SAMHD1: variants seen among roughly 807,000 people sequenced by gnomAD.
The protein encoded by SAMHD1 is deoxynucleoside triphosphate triphosphohydrolase SAMHD1.
SAMHD1 carries 54 observed loss-of-function variants against 79.6 expected under a neutral mutation model. The ratio of observed to expected loss-of-function variants is 0.68; its 90% CI spans 0.55 to 0.85. The LOEUF is 0.85. Ranked by LOEUF, SAMHD1 falls within the 40% of genes least tolerant of loss-of-function variation. SAMHD1 has a pLI of 0.00. For missense variants in SAMHD1, 663 were observed against 782.7 expected (o/e 0.85, Z 1.82); for synonymous variants, 260 against 264.1 (o/e 0.98, Z 0.15).
rs1166226059 is a variant in SAMHD1, at chr20:36,890,424, T to C, written c.*2508A>G. 1 of 151,390 alleles carries C rather than the reference T, an allele frequency of 6.6e-6. No homozygotes were observed. The highest frequency in any genetic ancestry group is 2.4e-5 in the African/African-American group (1 of 41,222). The allele number at this position is 151,390 out of a possible 1,614,324, so 9.4% of individuals were successfully genotyped here. ...TTTCTTTCTTTCTTTCTTTCTTTTC[T>C]TTCTCTCTTTCCTTCCTTCCTTCCC... is the stretch of plus-strand genomic sequence containing the variant. On this transcript the variant is annotated 3_prime_UTR_variant, in exon 16 of 16. Coordinates refer to ENST00000646673, the MANE Select transcript of SAMHD1 (RefSeq NM_015474.4).
At chr20:36,911,504 C>T in intron 10 of SAMHD1, 171 bp from the exon 11 acceptor site, 1 of 615,296 alleles carries the variant, frequency 1.6e-6, no homozygotes, top group Admixed American at 2.4e-5. Flanking sequence ...CTGTGAGCTG[C>T]CATGCTTACT....
At chr20:36,906,843 G>A (rs2063407882) in intron 11 of SAMHD1, among the ~76,000 whole-genome samples, 1 of 151,290 alleles carries the variant, frequency 6.6e-6, no homozygotes, top group Non-Finnish European at 1.5e-5. Context: ...CCAAGTTGGA[G>A]TGCGGTGGCG....
intron 6 of SAMHD1, among the ~76,000 whole-genome samples, chr20:36,921,955 C>T (rs2063508646): frequency 6.6e-6 from 1 of 152,258 alleles, no homozygotes; most frequent in South Asian, 2.1e-4. Context: ...TCCCAAAGTG[C>T]TGGGATTACA....
intron 6 of SAMHD1, among the ~76,000 whole-genome samples, chr20:36,922,231 T>C (rs930926416): frequency 1.3e-5 from 2 of 152,210 alleles, no homozygotes; most frequent in Non-Finnish European, 2.9e-5. Context: ...TTCCCCTTTT[T>C]CTATATGGAC....
At chr20:36,930,670 T>C in intron 5 of SAMHD1, 90 bp downstream of exon 5, 1 of 872,566 alleles carries the variant, frequency 1.1e-6, no homozygotes. Context: ...AATTTCCATA[T>C]TCTCTTGGTT....
chr20:36,944,710 C>T (rs1209866749), intron 2 of SAMHD1, among the ~76,000 whole-genome samples: 1 of 152,098 alleles, frequency 6.6e-6, no homozygotes, highest in Non-Finnish European at 1.5e-5. Flanking sequence ...GCCTGACTAA[C>T]ATGGAGAAAC....
chr20:36,922,944 T>C (rs1601134962), intron 6 of SAMHD1, among the ~76,000 whole-genome samples: 1 of 152,236 alleles, frequency 6.6e-6, no homozygotes, highest in East Asian at 1.9e-4. Context: ...CCACTGTGCC[T>C]GGTCAAAACT....
At chr20:36,904,481 G>A (rs1164867870) in intron 12 of SAMHD1, 1 of 457,430 alleles carries the variant, frequency 2.2e-6, no homozygotes, top group Admixed American at 3.4e-5. Flanking sequence ...CACTTTGGGA[G>A]GCCCAGGTGG....
At chr20:36,941,778 T>C (rs1175374502) in intron 2 of SAMHD1, among the ~76,000 whole-genome samples, 2 of 152,100 alleles carry the variant, frequency 1.3e-5, no homozygotes, top group African/African-American at 2.4e-5. Flanking sequence ...AAGTCATACA[T>C]AGACTGGGAG....
At chr20:36,914,602 T>G (rs1336498648) in intron 9 of SAMHD1, among the ~76,000 whole-genome samples, 1 of 151,828 alleles carries the variant, frequency 6.6e-6, no homozygotes, top group Non-Finnish European at 1.5e-5. Context: ...TCAGGTGATC[T>G]GCCCACCTTG....
chr20:36,931,097 A>C, intron 4 of SAMHD1: 1 of 560,886 alleles, frequency 1.8e-6, no homozygotes. Flanking sequence ...TGCACATCAA[A>C]ACCACAGTGA....
chr20:36,915,041 A>T (rs538602175), intron 9 of SAMHD1, among the ~76,000 whole-genome samples: 55 of 152,098 alleles, frequency 3.6e-4, no homozygotes, highest in African/African-American at 1.3e-3. Flanking sequence ...ATGGTATATG[A>T]TACACGTAAC....
chr20:36,923,288 C>G (rs910497875), intron 6 of SAMHD1, among the ~76,000 whole-genome samples: 5 of 152,082 alleles, frequency 3.3e-5, no homozygotes, highest in Non-Finnish European at 7.4e-5. Flanking sequence ...CGCGAGCCAC[C>G]ACGCCTGGCC....
intron 1 of SAMHD1, 60 bp from the exon 2 acceptor site, chr20:36,946,864 T>C: frequency 7.4e-7 from 1 of 1,344,508 alleles, no homozygotes; most frequent in Non-Finnish European, 1.0e-6. Context: ...TTTCTTTCAA[T>C]TTGGATACAC....
chr20:36,921,585 T>C (rs1249988304), intron 6 of SAMHD1, among the ~76,000 whole-genome samples: 1 of 146,356 alleles, frequency 6.8e-6, no homozygotes, highest in Non-Finnish European at 1.6e-5. Flanking sequence ...GCATCACTGA[T>C]TTTTTTGGAG....
intron 3 of SAMHD1, among the ~76,000 whole-genome samples, chr20:36,939,994 C>T (rs998813342): frequency 2.0e-5 from 3 of 152,096 alleles, no homozygotes; most frequent in African/African-American, 7.2e-5. Flanking sequence ...CACTTGAGGT[C>T]AGGAGTTTGA....
In SAMHD1 at chr20:36,946,875, C is replaced by T. The variant is rs2063689963; in HGVS notation, c.209-71G>A. Reference sequence around the variant, plus strand: ...TCATTTTCTTTCAATTTGGATACACCAACATTTACCCAGATCCACATAAGT... The same window carrying T: ...TCATTTTCTTTCAATTTGGATACACTAACATTTACCCAGATCCACATAAGT... On this transcript the variant is annotated intron_variant, in intron 1 of 15. Transcript: ENST00000646673. The T allele has an allele frequency of 2.5e-6, 3 of 1,217,054 alleles. No individual in the cohort carries two copies. In the Admixed American group the frequency reaches 5.9e-5, roughly 24 times the overall value. The allele number at this position is 1,217,054 out of a possible 1,614,324, so 75.4% of individuals were successfully genotyped here. A position where few individuals can be genotyped will look rare whatever the true frequency, so the allele number is the denominator to read the frequency against.
At chr20:36,921,816 G>A (rs1316457156) in intron 6 of SAMHD1, among the ~76,000 whole-genome samples, 1 of 151,750 alleles carries the variant, frequency 6.6e-6, no homozygotes. Flanking sequence ...AGCCTCCCGA[G>A]TAGCTGGGAT....
rs71186087 is a variant in SAMHD1, at chr20:36,907,539, C to CTT, written c.1271-2038_1271-2037dup. Among the ~76,000 whole-genome samples, 1,186 of 125,836 alleles carry CTT rather than the reference C, an allele frequency of 9.4e-3. 23 individuals carry two copies. Among genetic ancestry groups the CTT allele is most frequent in the African/African-American group, 0.017 (572 of 33,232 alleles). The allele number at this position is 125,836 out of a possible 152,430, so 82.6% of individuals were successfully genotyped here. On this transcript the variant is annotated intron_variant, in intron 11 of 15. Transcript: ENST00000646673. ...TGCCGCCACACCTGGATAAAGATGACTTTTTTTTTTTTTTTTTTTTTAGAC... is the reference window on the plus strand; with the variant it reads ...TGCCGCCACACCTGGATAAAGATGACTTTTTTTTTTTTTTTTTTTTTTTAGAC...
Sources: allele counts gnomAD v4.1 joint callset (sites outside exome capture counted in the v4.1 genomes callset), GRCh38; gene constraint gnomAD v4.1.1; transcripts MANE v1.5; gene names NCBI Gene and HGNC (gene_info 2026-07-23, HGNC 2026-07-21).